The following CCDC73 variants were observed in gnomAD, a reference collection of about 807,000 sequenced individuals.
The protein encoded by CCDC73 is coiled-coil domain containing 73, also known as coiled-coil domain-containing protein 73.
In CCDC73, 95 loss-of-function variants were observed where a neutral mutation model predicts 116.5. That is an observed-to-expected ratio of 0.82 (90% CI 0.69 to 0.97). The LOEUF (loss-of-function observed/expected upper bound fraction) is 0.97, where lower values mean the gene tolerates loss of function less well. CCDC73 is among the 50% of genes least tolerant of loss of function. The pLI is 0.00. For missense variants in CCDC73, 1,066 were observed against 1,206.8 expected, an observed-to-expected ratio of 0.88 and a Z score of 1.73; for synonymous variants, 398 against 401.3, an observed-to-expected ratio of 0.99 and a Z score of 0.10.
chr11:32,718,019 GATT>G (rs2133332356), intron 3 of CCDC73, 54 bp downstream of exon 3: 2 of 1,220,586 alleles, frequency 1.6e-6, no homozygotes, highest in Admixed American at 3.9e-5. Context: ...GGGTTACGGG[GATT>G]ACAATTCAAG....
the CCDC73 span, among the ~76,000 whole-genome samples, chr11:32,801,413 C>A: frequency 1.3e-5 from 2 of 152,048 alleles, no homozygotes; most frequent in East Asian, 3.9e-4. Context: ...GAGGCCAAGG[C>A]GGGCAGATCA....
chr11:32,669,852 T>C (rs547536542), intron 9 of CCDC73, among the ~76,000 whole-genome samples: 27 of 152,332 alleles, frequency 1.8e-4, no homozygotes, highest in African/African-American at 5.8e-4. Flanking sequence ...ATTTTCTTTA[T>C]CCATTCATCT....
chr11:32,713,932 C>A (rs953996384), intron 3 of CCDC73, among the ~76,000 whole-genome samples: 4 of 151,974 alleles, frequency 2.6e-5, no homozygotes, highest in African/African-American at 9.7e-5. Flanking sequence ...AAAATTAACC[C>A]CTAGAACAGG....
At chr11:32,699,735 T>TG (rs1212931177) in intron 5 of CCDC73, among the ~76,000 whole-genome samples, 1 of 151,412 alleles carries the variant, frequency 6.6e-6, no homozygotes, top group Non-Finnish European at 1.5e-5. Flanking sequence ...TGTTGTGGGG[T>TG]GGGGGGAGCG....
At chr11:32,737,418 G>C (rs1412188203) in intron 2 of CCDC73, among the ~76,000 whole-genome samples, 1 of 151,984 alleles carries the variant, frequency 6.6e-6, no homozygotes, top group Non-Finnish European at 1.5e-5. Flanking sequence ...GTCAAGACCA[G>C]CCTGGCCAAC....
At chr11:32,705,401 A>C (rs1343932326) in intron 3 of CCDC73, among the ~76,000 whole-genome samples, 1 of 151,992 alleles carries the variant, frequency 6.6e-6, no homozygotes, top group Non-Finnish European at 1.5e-5. Context: ...TCATCCAGAC[A>C]CTGGTGCCTG....
At chr11:32,747,150 T>C (rs1850246218) in intron 2 of CCDC73, among the ~76,000 whole-genome samples, 2 of 152,120 alleles carry the variant, frequency 1.3e-5, no homozygotes. Flanking sequence ...GCTATTCCTT[T>C]CTGTTTGTTA....
intron 14 of CCDC73, among the ~76,000 whole-genome samples, chr11:32,630,671 A>G (rs1855623722): frequency 6.6e-6 from 1 of 152,214 alleles, no homozygotes; most frequent in Admixed American, 6.5e-5. Context: ...TTACTGGTAC[A>G]TAACCATGCC....
intron 1 of CCDC73, among the ~76,000 whole-genome samples, chr11:32,789,034 A>T (rs914172977): frequency 6.6e-6 from 1 of 152,208 alleles, no homozygotes; most frequent in Non-Finnish European, 1.5e-5. Flanking sequence ...AATAGTTATA[A>T]TTTCAACAGC....
intron 1 of CCDC73, among the ~76,000 whole-genome samples, chr11:32,790,453 T>C (rs1850664843): frequency 6.6e-6 from 1 of 152,212 alleles, no homozygotes; most frequent in South Asian, 2.1e-4. Context: ...ATAATGTTAT[T>C]TTTTCATTAA....
Position 32,613,587 on chromosome 11 carries a change from A to T in CCDC73, c.2731T>A (p.Ser911Thr). 6.2e-7 allele frequency: 1 copy of T among 1,614,098 alleles called. No homozygotes were observed. The highest frequency in any genetic ancestry group is 8.5e-7 in the Non-Finnish European group (1 of 1,179,980). Reference sequence around the variant, plus strand: ...TGACTTTCAATGTGATTTACTTTTGACCAAGGACCGGGGTCTGAAAAATTC... The same window carrying T: ...TGACTTTCAATGTGATTTACTTTTGTCCAAGGACCGGGGTCTGAAAAATTC... The part of the protein sequence containing the change: ...YMNFSDPGPW[S>T]KVNHIESQTA... The change falls in exon 16 of 18, where the codon TCA (serine) becomes ACA (threonine). Residue 911 changes from serine to threonine, a missense_variant. Physicochemically the swap from Ser to Thr is moderately conservative, Grantham distance 58. Coordinates refer to ENST00000335185, the MANE Select transcript of CCDC73 (RefSeq NM_001008391.4).
At chr11:32,795,937 G>A (rs933268222), upstream of CCDC73, among the ~76,000 whole-genome samples, 11 of 152,198 alleles carry the variant, frequency 7.2e-5, no homozygotes, top group East Asian at 1.9e-4. Context: ...TGATCTGCCC[G>A]CCTTGGCCTC....
chr11:32,796,728 G>A (rs546104325), upstream of CCDC73, among the ~76,000 whole-genome samples: 2 of 152,168 alleles, frequency 1.3e-5, no homozygotes, highest in Admixed American at 6.5e-5. Flanking sequence ...GGGGTTTTTC[G>A]GCCAGCTGTG....
intron 1 of CCDC73, among the ~76,000 whole-genome samples, chr11:32,760,669 T>G (rs755306267): frequency 2.0e-5 from 3 of 152,214 alleles, no homozygotes; most frequent in Non-Finnish European, 2.9e-5. Flanking sequence ...TCAACATAGT[T>G]GGAAGACGAA....
chr11:32,690,011 A>C (rs930266267), intron 6 of CCDC73, among the ~76,000 whole-genome samples: 1 of 152,110 alleles, frequency 6.6e-6, no homozygotes, highest in African/African-American at 2.4e-5. Context: ...AAAGAAAATT[A>C]CATAAGATGC....
the CCDC73 span, among the ~76,000 whole-genome samples, chr11:32,805,794 C>T: frequency 6.6e-6 from 1 of 152,132 alleles, no homozygotes; most frequent in Non-Finnish European, 1.5e-5. Context: ...GCCTTTCCCC[C>T]CTGCTCCTGA....
In CCDC73 at chr11:32,691,154, C is replaced by T. The variant is rs140054991; in HGVS notation, c.391-7580G>A. 7.1e-3 allele frequency among the ~76,000 whole-genome samples: 1,080 copies of T among 151,998 alleles called. 17 individuals carry two copies. Among genetic ancestry groups the T allele is most frequent in the African/African-American group, 0.025 (1,041 of 41,418 alleles). On this transcript the variant is annotated intron_variant, in intron 6 of 17. Coordinates refer to ENST00000335185, the MANE Select transcript of CCDC73 (RefSeq NM_001008391.4). ...CCACCTCCCAGCTTCAAGCGATTCTCCTGCCTCAGCCTCCCAAGTAGTTGG... is the reference window on the plus strand; with the variant it reads ...CCACCTCCCAGCTTCAAGCGATTCTTCTGCCTCAGCCTCCCAAGTAGTTGG...
chr11:32,655,426 T>A (rs1855863012), intron 9 of CCDC73, among the ~76,000 whole-genome samples: 1 of 152,186 alleles, frequency 6.6e-6, no homozygotes, highest in Non-Finnish European at 1.5e-5. Context: ...CGGTATTACA[T>A]GTGAAGGTGC....
Position 32,675,843 on chromosome 11 carries a change from C to T in CCDC73, c.565+43G>A, listed in dbSNP as rs767905093. The T allele has an allele frequency of 2.0e-6, 3 of 1,479,118 alleles. No individual in the cohort carries two copies. The South Asian group carries it at 3.8e-5, about 19-fold the overall frequency. 91.6% of individuals were successfully genotyped at this position (1,479,118 alleles called of 1,614,324 possible). ...TTCATAGTAAATAAGTCCATTCAAA[C>T]ATTCTCTACTGAATATGTATATTTA... On this transcript the variant is annotated intron_variant, in intron 8 of 17. Transcript: ENST00000335185.
Sources: gnomAD v4.1 joint callset for allele counts (sites outside exome capture counted in the v4.1 genomes callset) on GRCh38, gnomAD v4.1.1 for gene constraint, MANE v1.5 for transcripts, NCBI Gene and HGNC (gene_info 2026-07-23, HGNC 2026-07-21) for gene names.